LRMDA: variants seen among roughly 807,000 people sequenced by gnomAD.
The protein encoded by LRMDA is leucine-rich melanocyte differentiation-associated protein.
A neutral mutation model predicts 29.8 loss-of-function variants in LRMDA; 18 were observed. The observed-to-expected ratio is 0.60, with a 90% CI of 0.42 to 0.90. LRMDA has a LOEUF of 0.90. LRMDA is among the 40% of genes least tolerant of loss of function. The pLI, the probability that LRMDA is intolerant of heterozygous loss-of-function variation, is 0.00. For synonymous variants in LRMDA, 125 were observed against 109.4 expected (o/e 1.14, Z -0.89); for missense variants, 273 against 273.9 (o/e 1.00, Z 0.02).
At chr10:76,380,367 C>A (rs1180405070) in intron 6 of LRMDA, among the ~76,000 whole-genome samples, 2 of 151,776 alleles carry the variant, frequency 1.3e-5, no homozygotes, top group Non-Finnish European at 2.9e-5. Context: ...GTTTGTGTAT[C>A]TTAAGAATAT....
At chr10:75,661,417 T>C (rs908794342) in intron 2 of LRMDA, among the ~76,000 whole-genome samples, 1 of 152,154 alleles carries the variant, frequency 6.6e-6, no homozygotes, top group Non-Finnish European at 1.5e-5. Flanking sequence ...AAAATGTAGA[T>C]TTCTGATTCA....
chr10:75,573,293 CTTTA>C (rs1840460236), intron 2 of LRMDA, among the ~76,000 whole-genome samples: 1 of 152,102 alleles, frequency 6.6e-6, no homozygotes, highest in African/African-American at 2.4e-5. Flanking sequence ...GTCTAAATGA[CTTTA>C]TTCAGTCTAA....
At chr10:76,447,591 G>C (rs1205633529) in intron 6 of LRMDA, among the ~76,000 whole-genome samples, 1 of 152,184 alleles carries the variant, frequency 6.6e-6, no homozygotes, top group Non-Finnish European at 1.5e-5. Flanking sequence ...CTGTCTCATA[G>C]TGGTATTGGG....
At chr10:75,544,630 A>C (rs1403836379) in intron 2 of LRMDA, among the ~76,000 whole-genome samples, 2 of 151,870 alleles carry the variant, frequency 1.3e-5, no homozygotes, top group African/African-American at 4.8e-5. Flanking sequence ...GAGTATAAAC[A>C]CTTCCTGCTG....
At chr10:76,380,530 G>A (rs1294098808) in intron 6 of LRMDA, among the ~76,000 whole-genome samples, 2 of 151,850 alleles carry the variant, frequency 1.3e-5, no homozygotes, top group Admixed American at 6.5e-5. Flanking sequence ...TTAGTCGGGC[G>A]TGGTGGCGGG....
intron 5 of LRMDA, among the ~76,000 whole-genome samples, chr10:76,179,743 A>G (rs1349454982): frequency 1.3e-5 from 2 of 152,178 alleles, no homozygotes; most frequent in Non-Finnish European, 2.9e-5. Flanking sequence ...TCTGCCTTCA[A>G]TATGAGCCTG....
chr10:76,454,140 A>T (rs1842433540), intron 6 of LRMDA, among the ~76,000 whole-genome samples: 1 of 152,184 alleles, frequency 6.6e-6, no homozygotes, highest in South Asian at 2.1e-4. Context: ...ATGTAGTATG[A>T]AGCTAAATCT....
rs191796693 is a variant in LRMDA, at chr10:76,478,079, G to A, written c.602-79130G>A. ...GATCTAATTAAACTCAAGAGCTTCT[G>A]CACAGCAAAAGAAACTACCATCAGA... On this transcript the variant is annotated intron_variant, in intron 6 of 6. Transcript: ENST00000611255. Among the ~76,000 whole-genome samples, 631 of 152,198 alleles carry A rather than the reference G, an allele frequency of 4.1e-3. 8 individuals are homozygous for A. Among genetic ancestry groups the A allele is most frequent in the African/African-American group, 0.015 (612 of 41,520 alleles).
intron 6 of LRMDA, among the ~76,000 whole-genome samples, chr10:76,458,154 TA>T (rs1332230596): frequency 2.1e-5 from 2 of 95,496 alleles, no homozygotes; most frequent in African/African-American, 6.9e-5. Context: ...GCTGTTTAAT[TA>T]AAAAAAATTT....
At chr10:76,258,838 T>C (rs1020528746) in intron 5 of LRMDA, among the ~76,000 whole-genome samples, 6 of 152,212 alleles carry the variant, frequency 3.9e-5, no homozygotes, top group Non-Finnish European at 8.8e-5. Flanking sequence ...TGTGTATATA[T>C]ATCACATTTT....
chr10:76,346,741 T>G (rs1841113649), intron 6 of LRMDA, among the ~76,000 whole-genome samples: 1 of 152,154 alleles, frequency 6.6e-6, no homozygotes, highest in African/African-American at 2.4e-5. Context: ...ATTTTATATA[T>G]GAGGAAATTG....
rs1183989010 is a variant in LRMDA at position 75,578,215 on chromosome 10, C to CAAAAAAAAAAAAAAAAAAAAAAAA, written c.131+139722_131+139745dup. On this transcript the variant is annotated intron_variant, in intron 2 of 6. Transcript: ENST00000611255. ...GTATATTTACCAAGCAAATGGAAAG[C>CAAAAAAAAAAAAAAAAAAAAAAAA]AAAAAAAAAAAAAAAAAAAAAAAAG... 7.0e-4 allele frequency among the ~76,000 whole-genome samples: 10 copies of CAAAAAAAAAAAAAAAAAAAAAAAA among 14,224 alleles called. 3 individuals carry two copies. The highest frequency in any genetic ancestry group is 1.6e-3 in the Admixed American group (1 of 632). The allele number at this position is 14,224 out of a possible 152,430, so 9.3% of individuals were successfully genotyped here. A position where few individuals can be genotyped will look rare whatever the true frequency, so the allele number is the denominator to read the frequency against.
chr10:75,557,017 AC>A lies in LRMDA; in HGVS notation c.131+118524del, dbSNP rs147050216. Among the ~76,000 whole-genome samples the A allele has an allele frequency of 3.0e-4, 45 of 152,242 alleles. No homozygotes were observed. In the East Asian group the frequency reaches 7.7e-3, roughly 26 times the overall value. ...AAAACTGATTAGAAACAAACAGAAAACAAAAGTAAAATGGGGCCAGGCATGG... is the reference window on the plus strand; with the variant it reads ...AAAACTGATTAGAAACAAACAGAAAAAAAAGTAAAATGGGGCCAGGCATGG... On this transcript the variant is annotated intron_variant, in intron 2 of 6. Transcript: ENST00000611255.
intron 6 of LRMDA, among the ~76,000 whole-genome samples, chr10:76,426,522 A>G (rs958508560): frequency 2.0e-5 from 3 of 152,128 alleles, no homozygotes; most frequent in Admixed American, 6.5e-5. Context: ...AGATGAGTAG[A>G]TTGCAAAAAT....
At chr10:76,540,330 G>A (rs994971358) in intron 6 of LRMDA, among the ~76,000 whole-genome samples, 15 of 150,892 alleles carry the variant, frequency 9.9e-5, no homozygotes, top group African/African-American at 3.7e-4. Context: ...AAAATACAGT[G>A]AAAAAATTCC....
chr10:76,035,809 G>T (rs1424653605), intron 2 of LRMDA, among the ~76,000 whole-genome samples, 199 bp from the exon 3 acceptor site: 1 of 152,194 alleles, frequency 6.6e-6, no homozygotes, highest in Non-Finnish European at 1.5e-5. Flanking sequence ...GAAGGATGCG[G>T]TGGGTGCCAG....
At chr10:75,639,849 G>T (rs775708004) in intron 2 of LRMDA, among the ~76,000 whole-genome samples, 1 of 152,218 alleles carries the variant, frequency 6.6e-6, no homozygotes, top group South Asian at 2.1e-4. Flanking sequence ...GCTGCGCTCG[G>T]AGAGCGGACA....
chr10:76,111,071 T>C (rs1424477548), intron 5 of LRMDA, among the ~76,000 whole-genome samples: 3 of 152,172 alleles, frequency 2.0e-5, no homozygotes, highest in Non-Finnish European at 4.4e-5. Context: ...AAATCCCTTC[T>C]CTCAGTAACC....
intron 5 of LRMDA, among the ~76,000 whole-genome samples, chr10:76,286,315 G>GT (rs1334124837): frequency 6.6e-6 from 1 of 152,168 alleles, no homozygotes; most frequent in Non-Finnish European, 1.5e-5. Flanking sequence ...AGCACATTGG[G>GT]CTGGAAATCA....
Sources: allele counts gnomAD v4.1 joint callset (sites outside exome capture counted in the v4.1 genomes callset), GRCh38; gene constraint gnomAD v4.1.1; transcripts MANE v1.5; gene names NCBI Gene and HGNC (gene_info 2026-07-23, HGNC 2026-07-21).